GNB4: variants seen among roughly 807,000 people sequenced by gnomAD.
GNB4 encodes the protein guanine nucleotide-binding protein subunit beta-4.
In GNB4, 28 loss-of-function variants were observed where a neutral mutation model predicts 45.2. The observed-to-expected ratio is 0.62, with a 90% CI of 0.46 to 0.85. GNB4 has a LOEUF of 0.85. Ranked by LOEUF, GNB4 falls within the 40% of genes least tolerant of loss-of-function variation. The probability of loss-of-function intolerance (pLI) is 0.00; values close to 1 mark genes in which losing one functional copy is unlikely to be tolerated. For missense variants in GNB4, 321 were observed against 425.4 expected (o/e 0.75, Z 2.16); for synonymous variants, 132 against 143.7 (o/e 0.92, Z 0.58).
the GNB4 span, among the ~76,000 whole-genome samples, chr3:179,520,232 G>A: frequency 1.4e-5 from 2 of 145,978 alleles, no homozygotes; most frequent in Non-Finnish European, 3.0e-5. Flanking sequence ...AGGCTTCACA[G>A]ACAGCCCGCA....
chr3:179,474,787 T>C, the GNB4 span, among the ~76,000 whole-genome samples: 3 of 128,426 alleles, frequency 2.3e-5, no homozygotes, highest in East Asian at 8.9e-4. Context: ...GTTCTCAATA[T>C]GTCATCCCCA....
chr3:179,510,996 C>A, the GNB4 span, among the ~76,000 whole-genome samples: 1 of 152,080 alleles, frequency 6.6e-6, no homozygotes, highest in Non-Finnish European at 1.5e-5. Flanking sequence ...CTGACTCCCA[C>A]CCCCCACCTA....
chr3:179,422,719 CTAT>C (rs1315739306), intron 2 of GNB4, among the ~76,000 whole-genome samples: 1 of 152,080 alleles, frequency 6.6e-6, no homozygotes, highest in Non-Finnish European at 1.5e-5. Flanking sequence ...GCATACATTT[CTAT>C]TATATCATGT....
At chr3:179,423,950 G>A (rs1469469285) in intron 2 of GNB4, among the ~76,000 whole-genome samples, 2 of 152,108 alleles carry the variant, frequency 1.3e-5, no homozygotes, top group African/African-American at 2.4e-5. Context: ...CGTGTTCAGG[G>A]AACCAAACTA....
At chr3:179,405,451 A>C in intron 8 of GNB4, 45 bp from the exon 9 acceptor site, 1 of 1,321,036 alleles carries the variant, frequency 7.6e-7, no homozygotes, top group African/African-American at 1.5e-5. Flanking sequence ...ATGTATGCAC[A>C]ATCATAGGAG....
chr3:179,523,154 G>A, the GNB4 span, among the ~76,000 whole-genome samples: 1 of 152,214 alleles, frequency 6.6e-6, no homozygotes, highest in East Asian at 1.9e-4. Context: ...GAAGGGGTTG[G>A]GGCTTGGGAG....
chr3:179,480,603 C>T, the GNB4 span, among the ~76,000 whole-genome samples: 2 of 152,202 alleles, frequency 1.3e-5, no homozygotes, highest in East Asian at 3.9e-4. Context: ...CCCCCAACCC[C>T]ATCTACCAAC....
At chr3:179,418,470 C>CAAAAAAAAAAAA (rs386356535) in intron 4 of GNB4, among the ~76,000 whole-genome samples, 15 of 95,338 alleles carry the variant, frequency 1.6e-4, no homozygotes, top group South Asian at 7.2e-4. Context: ...AACTCTGTCT[C>CAAAAAAAAAAAA]AAAAAAAAAA....
chr3:179,409,547 C>CA (rs944071198), intron 8 of GNB4, among the ~76,000 whole-genome samples: 11 of 151,590 alleles, frequency 7.3e-5, no homozygotes, highest in East Asian at 1.9e-4. Context: ...GGCTGTGACT[C>CA]ACGCCTGTAA....
At chr3:179,520,027 A>G in the GNB4 span, among the ~76,000 whole-genome samples, 1 of 152,094 alleles carries the variant, frequency 6.6e-6, no homozygotes, top group South Asian at 2.1e-4. Context: ...TTTTTTGCCT[A>G]TCCACCCCGT....
intron 2 of GNB4, among the ~76,000 whole-genome samples, chr3:179,425,879 A>C (rs1351008842): frequency 6.6e-6 from 1 of 152,254 alleles, no homozygotes; most frequent in Non-Finnish European, 1.5e-5. Context: ...CTATGATTCT[A>C]GGCATGTAAA....
intron 1 of GNB4, among the ~76,000 whole-genome samples, chr3:179,442,644 T>C (rs1285478021): frequency 6.6e-6 from 1 of 151,926 alleles, no homozygotes; most frequent in Admixed American, 6.6e-5. Context: ...TTTTAAGAGA[T>C]GGGGTCTTGT....
At chr3:179,485,225 G>A in the GNB4 span, among the ~76,000 whole-genome samples, 33 of 152,014 alleles carry the variant, frequency 2.2e-4, no homozygotes, top group South Asian at 6.1e-3. Context: ...TGTTAGCCAG[G>A]ATGGTCTCCA....
chr3:179,474,041 T>G, the GNB4 span, among the ~76,000 whole-genome samples: 1 of 152,118 alleles, frequency 6.6e-6, no homozygotes, highest in Non-Finnish European at 1.5e-5. Flanking sequence ...AAGTAATAAT[T>G]GGCCAGTCTG....
intron 9 of GNB4, among the ~76,000 whole-genome samples, chr3:179,403,494 A>G (rs926645650): frequency 6.6e-6 from 1 of 152,164 alleles, no homozygotes; most frequent in South Asian, 2.1e-4. Flanking sequence ...AAAATAAAAA[A>G]TATAATTAAA....
the GNB4 span, among the ~76,000 whole-genome samples, chr3:179,467,219 C>A: frequency 6.6e-6 from 1 of 152,052 alleles, no homozygotes; most frequent in Non-Finnish European, 1.5e-5. Context: ...CACTATGTTG[C>A]CCAGGCTGGT....
chr3:179,402,967 G>A (rs572840385), intron 9 of GNB4, among the ~76,000 whole-genome samples: 4 of 152,284 alleles, frequency 2.6e-5, no homozygotes, highest in East Asian at 3.9e-4. Context: ...GCACAGATGC[G>A]ATTGATAAAA....
chr3:179,489,695 A>G, the GNB4 span, among the ~76,000 whole-genome samples: 2 of 152,170 alleles, frequency 1.3e-5, no homozygotes, highest in Admixed American at 6.5e-5. Context: ...TCTGCAGGCA[A>G]TCTTTTCCTG....
intron 9 of GNB4, among the ~76,000 whole-genome samples, chr3:179,403,292 C>A: frequency 6.7e-6 from 1 of 149,762 alleles, no homozygotes; most frequent in Non-Finnish European, 1.5e-5. Flanking sequence ...ACAGGAAACC[C>A]CAAAAATGAA....
Sources: allele counts gnomAD v4.1 joint callset (sites outside exome capture counted in the v4.1 genomes callset), GRCh38; gene constraint gnomAD v4.1.1; transcripts MANE v1.5; gene names NCBI Gene and HGNC (gene_info 2026-07-23, HGNC 2026-07-21).